The following LRMDA variants were observed in gnomAD, a reference collection of about 807,000 sequenced individuals.
LRMDA encodes the protein leucine rich melanocyte differentiation associated, also known as leucine-rich melanocyte differentiation-associated protein.
LRMDA carries 18 observed loss-of-function variants against 29.8 expected under a neutral mutation model. The observed-to-expected ratio is 0.60, with a 90% CI of 0.42 to 0.90. The LOEUF (loss-of-function observed/expected upper bound fraction) is 0.90. Among genes scored for constraint, LRMDA ranks in the 40% least tolerant of loss-of-function variants. LRMDA has a pLI of 0.00. For synonymous variants in LRMDA, 125 were observed against 109.4 expected (o/e 1.14, Z -0.89); for missense variants, 273 against 273.9 (o/e 1.00, Z 0.02).
intron 2 of LRMDA, among the ~76,000 whole-genome samples, chr10:75,886,134 A>C (rs1421185017): frequency 6.6e-6 from 1 of 152,314 alleles, no homozygotes; most frequent in South Asian, 2.1e-4. Context: ...GAAAGTGACA[A>C]CCAGCAGCCC....
At chr10:76,487,943 G>T (rs925769074) in intron 6 of LRMDA, among the ~76,000 whole-genome samples, 1 of 151,720 alleles carries the variant, frequency 6.6e-6, no homozygotes, top group African/African-American at 2.4e-5. Flanking sequence ...ATAATAATCT[G>T]GTAGAATGTG....
intron 5 of LRMDA, among the ~76,000 whole-genome samples, chr10:76,284,889 C>G (rs1267364678): frequency 6.6e-6 from 1 of 152,172 alleles, no homozygotes; most frequent in East Asian, 1.9e-4. Context: ...GCCTTTGCTC[C>G]TCCTTCACCT....
chr10:76,175,170 C>G (rs1348830775), intron 5 of LRMDA, among the ~76,000 whole-genome samples: 1 of 152,092 alleles, frequency 6.6e-6, no homozygotes, highest in African/African-American at 2.4e-5. Context: ...ACACATAAAG[C>G]CCTTGGCACA....
intron 6 of LRMDA, among the ~76,000 whole-genome samples, chr10:76,327,750 G>A (rs1250956994): frequency 6.6e-6 from 1 of 152,134 alleles, no homozygotes; most frequent in African/African-American, 2.4e-5. Context: ...CTTTGGGGGT[G>A]AACACACTAA....
intron 2 of LRMDA, among the ~76,000 whole-genome samples, chr10:75,847,958 T>C (rs1179933715): frequency 6.6e-6 from 1 of 152,188 alleles, no homozygotes; most frequent in East Asian, 1.9e-4. Context: ...TGTGTACTGT[T>C]GGAAGGAATG....
At chr10:75,542,538 A>T (rs968180342) in intron 2 of LRMDA, among the ~76,000 whole-genome samples, 1 of 152,148 alleles carries the variant, frequency 6.6e-6, no homozygotes, top group Non-Finnish European at 1.5e-5. Context: ...AAATAGAGGG[A>T]CCCAATAAAA....
At chr10:75,508,948 G>A (rs751131684) in intron 2 of LRMDA, among the ~76,000 whole-genome samples, 2 of 152,238 alleles carry the variant, frequency 1.3e-5, no homozygotes, top group Non-Finnish European at 2.9e-5. Flanking sequence ...TAGATTCCAT[G>A]TGGTTGATTC....
intron 2 of LRMDA, among the ~76,000 whole-genome samples, chr10:75,641,375 A>G (rs915104040): frequency 6.7e-6 from 1 of 150,124 alleles, no homozygotes; most frequent in African/African-American, 2.4e-5. Flanking sequence ...AGAAAATTCA[A>G]ATAATACATT....
At chr10:75,574,597 C>T (rs1347632401) in intron 2 of LRMDA, among the ~76,000 whole-genome samples, 1 of 152,130 alleles carries the variant, frequency 6.6e-6, no homozygotes, top group Non-Finnish European at 1.5e-5. Flanking sequence ...CACTCCTTTT[C>T]TGTCATCTTC....
At chr10:75,735,270 AAT>A (rs1351276751) in intron 2 of LRMDA, among the ~76,000 whole-genome samples, 2 of 152,198 alleles carry the variant, frequency 1.3e-5, no homozygotes, top group Non-Finnish European at 2.9e-5. Context: ...TTAATCTACC[AAT>A]GTTATAAAAG....
At chr10:76,555,251 T>C (rs1339102423) in intron 6 of LRMDA, among the ~76,000 whole-genome samples, 1 of 152,116 alleles carries the variant, frequency 6.6e-6, no homozygotes, top group Non-Finnish European at 1.5e-5. Flanking sequence ...TTCAGCACGA[T>C]AAAGGAAACA....
In LRMDA at chr10:76,175,500, G is replaced by GT. The variant is rs533372595; in HGVS notation, c.516+116718dup. Among the ~76,000 whole-genome samples the GT allele has an allele frequency of 1.9e-3, 287 of 152,266 alleles. 1 individual carries two copies. The highest frequency in any genetic ancestry group is 3.5e-3 in the Non-Finnish European group (238 of 68,010). ...GCTATTATCGTTTCTCTGGCCACTGGTGTGGTCATTACTGTTGTTAACAGG... is the reference window on the plus strand; with the variant it reads ...GCTATTATCGTTTCTCTGGCCACTGGTTGTGGTCATTACTGTTGTTAACAGG... On this transcript the variant is annotated intron_variant, in intron 5 of 6. Transcript: ENST00000611255.
At chr10:75,969,517 C>T (rs1013643948) in intron 2 of LRMDA, among the ~76,000 whole-genome samples, 2 of 152,230 alleles carry the variant, frequency 1.3e-5, no homozygotes, top group African/African-American at 2.4e-5. Context: ...AGGTTCAGCA[C>T]AGTGGAGCTG....
intron 5 of LRMDA, among the ~76,000 whole-genome samples, chr10:76,175,054 A>G (rs1208933349): frequency 3.9e-5 from 6 of 152,178 alleles, no homozygotes; most frequent in Non-Finnish European, 1.5e-5. Context: ...CTGGGGAGGC[A>G]GAGATTGCAG....
At chr10:76,051,374 A>G (rs1033815368) in intron 4 of LRMDA, among the ~76,000 whole-genome samples, 4 of 152,216 alleles carry the variant, frequency 2.6e-5, no homozygotes, top group South Asian at 4.1e-4. Context: ...AGAGACTTCA[A>G]ACATGCTGCC....
intron 2 of LRMDA, among the ~76,000 whole-genome samples, chr10:75,784,073 C>T (rs1843429642): frequency 6.6e-6 from 1 of 152,184 alleles, no homozygotes; most frequent in South Asian, 2.1e-4. Flanking sequence ...CTTACCATTA[C>T]ACTCTAGATT....
chr10:76,157,409 T>C (rs987546518), intron 5 of LRMDA, among the ~76,000 whole-genome samples: 2 of 152,114 alleles, frequency 1.3e-5, no homozygotes, highest in Non-Finnish European at 2.9e-5. Context: ...GCTAGGAGTT[T>C]CAGACCAGCT....
chr10:76,130,620 T>A (rs1564660716), intron 5 of LRMDA, among the ~76,000 whole-genome samples: 1 of 152,176 alleles, frequency 6.6e-6, no homozygotes, highest in South Asian at 2.1e-4. Context: ...ATTGTGATAA[T>A]CTATCCTGTC....
chr10:75,861,991 A>G (rs1304056177), intron 2 of LRMDA, among the ~76,000 whole-genome samples: 1 of 152,186 alleles, frequency 6.6e-6, no homozygotes, highest in East Asian at 1.9e-4. Flanking sequence ...TTCTTGAGAT[A>G]TAAGTGAAGC....
Sources: gnomAD v4.1 joint callset for allele counts (sites outside exome capture counted in the v4.1 genomes callset) on GRCh38, gnomAD v4.1.1 for gene constraint, MANE v1.5 for transcripts, NCBI Gene and HGNC (gene_info 2026-07-23, HGNC 2026-07-21) for gene names.